The following KLHL32 variants were observed in gnomAD, a reference collection of about 807,000 sequenced individuals.
KLHL32 encodes kelch-like protein 32.
In KLHL32, 35 loss-of-function variants were observed where a neutral mutation model predicts 64.8. The observed-to-expected ratio is 0.54, with a 90% confidence interval of 0.41 to 0.72. The LOEUF is 0.72. Among genes scored for constraint, KLHL32 ranks in the 30% least tolerant of loss-of-function variants. KLHL32 has a pLI of 0.00. For missense variants in KLHL32, 589 were observed against 768.5 expected, an observed-to-expected ratio of 0.77 and a Z score of 2.76; for synonymous variants, 259 against 281.0, an observed-to-expected ratio of 0.92 and a Z score of 0.78.
At chr6:96,924,480 C>CG (rs1419620576), upstream of KLHL32, 2 of 6,476 alleles carry the variant, frequency 3.1e-4, no homozygotes, top group East Asian at 2.0e-3. Flanking sequence ...GGGGCGGGGG[C>CG]GGGGGGCGGC....
intron 5 of KLHL32, among the ~76,000 whole-genome samples, chr6:97,082,719 A>C (rs1346156065): frequency 6.6e-6 from 1 of 152,186 alleles, no homozygotes; most frequent in Non-Finnish European, 1.5e-5. Flanking sequence ...ATCTTCTTAT[A>C]GGCAGTTGGG....
chr6:97,030,319 T>G (rs1356139845), intron 3 of KLHL32, among the ~76,000 whole-genome samples: 1 of 152,252 alleles, frequency 6.6e-6, no homozygotes, highest in Non-Finnish European at 1.5e-5. Context: ...TGTGTCTGCA[T>G]GACAAGTAAC....
At chr6:96,985,922 G>C (rs1312138294) in intron 3 of KLHL32, among the ~76,000 whole-genome samples, 1 of 152,194 alleles carries the variant, frequency 6.6e-6, no homozygotes. Flanking sequence ...GTGAGGAGCT[G>C]TGTCCTTTGG....
chr6:97,081,778 T>G (rs1417572290), intron 5 of KLHL32, among the ~76,000 whole-genome samples: 1 of 152,212 alleles, frequency 6.6e-6, no homozygotes, highest in East Asian at 1.9e-4. Context: ...TTTATGGCCT[T>G]CTCTTCCAGT....
At chr6:97,101,065 C>T (rs1273479372) in intron 6 of KLHL32, among the ~76,000 whole-genome samples, 1 of 149,938 alleles carries the variant, frequency 6.7e-6, no homozygotes, top group Non-Finnish European at 1.5e-5. Flanking sequence ...ACCTCGGCCT[C>T]CCAAAGTGCT....
chr6:96,986,949 G>A (rs187468637), intron 3 of KLHL32, among the ~76,000 whole-genome samples: 1,692 of 152,254 alleles, frequency 0.011, 40 homozygotes, highest in African/African-American at 0.039. Flanking sequence ...GAAATCACCT[G>A]TCTTCTGCAT....
chr6:97,037,810 G>T (rs1179446054), intron 3 of KLHL32, among the ~76,000 whole-genome samples: 1 of 152,124 alleles, frequency 6.6e-6, no homozygotes, highest in Non-Finnish European at 1.5e-5. Context: ...CCTGGTACTG[G>T]CATAAAAACA....
rs746112818 is a variant in KLHL32, at chr6:97,064,637, G to A, written c.322G>A (p.Glu108Lys). The change falls in exon 5 of 11, where the codon GAG becomes AAG. Residue 108 changes from glutamate (E) to lysine (K), a missense_variant. Physicochemically the swap from Glu to Lys is moderately conservative, Grantham distance 56 (BLOSUM62 1). Coordinates refer to ENST00000369261, the MANE Select transcript of KLHL32 (RefSeq NM_052904.4). ...EFAYTGQILL[E>K]PGVIQDVLAA... ...TTAACAAACAAAACAGATTTTGCTG[G>A]AGCCAGGTGTGATCCAGGATGTGCT... The A allele has an allele frequency of 6.2e-7, 1 of 1,613,654 alleles. No individual in the cohort carries two copies. Among genetic ancestry groups the A allele is most frequent in the Non-Finnish European group, 8.5e-7 (1 of 1,179,828 alleles).
At chr6:97,046,723 A>G (rs1329289819) in intron 4 of KLHL32, among the ~76,000 whole-genome samples, 2 of 152,224 alleles carry the variant, frequency 1.3e-5, no homozygotes, top group Non-Finnish European at 2.9e-5. Context: ...ATTGTTGAAC[A>G]GCTGCTTTCT....
intron 3 of KLHL32, among the ~76,000 whole-genome samples, chr6:96,989,685 C>G (rs1047421839): frequency 6.6e-6 from 1 of 152,076 alleles, no homozygotes; most frequent in Non-Finnish European, 1.5e-5. Context: ...ATAATATCCT[C>G]AAATATGTTT....
intron 3 of KLHL32, among the ~76,000 whole-genome samples, chr6:96,987,118 T>G (rs566328830): frequency 8.1e-4 from 123 of 152,324 alleles, no homozygotes; most frequent in African/African-American, 2.9e-3. Flanking sequence ...TTATTAGTCT[T>G]GCTAGCGGTC....
At position 96,976,136 on chromosome 6, in the gene KLHL32, G is replaced by C. The variant is rs1298161579; in HGVS notation, c.163G>C (p.Ala55Pro). Residue 55 changes from alanine (A) to proline (P), a missense_variant, in exon 3 of 11, where the codon GCT becomes CCT. This residue lies in a region of KLHL32 where 191 missense variants were observed against 223.3 expected (regional missense o/e 0.86). Transcript: ENST00000369261. ...GATTGCTGAGGAACAGAAATTCCAT[G>C]CTCACAAGGCAGTCCTAGCAGCATG... ...TLIAEEQKFH[A>P]HKAVLAACSD... is the part of the protein sequence containing the mutation. The C allele has an allele frequency of 1.2e-6, 2 of 1,604,826 alleles. No homozygotes were observed. Among genetic ancestry groups the C allele is most frequent in the African/African-American group, 2.7e-5 (2 of 74,760 alleles).
intron 3 of KLHL32, among the ~76,000 whole-genome samples, chr6:97,035,277 G>C (rs1784122109): frequency 6.6e-6 from 1 of 152,018 alleles, no homozygotes; most frequent in South Asian, 2.1e-4. Context: ...TTGTGTTTTT[G>C]TAGTCAGAGT....
At chr6:97,085,023 C>A in intron 5 of KLHL32, 103 bp from the exon 6 acceptor site, 2 of 898,186 alleles carry the variant, frequency 2.2e-6, no homozygotes. Context: ...TTTCTCCCAC[C>A]ACTGTGATGA....
the KLHL32 span, among the ~76,000 whole-genome samples, chr6:96,917,990 A>G: frequency 6.6e-6 from 1 of 152,210 alleles, no homozygotes; most frequent in Non-Finnish European, 1.5e-5. Flanking sequence ...TTGACCCTCT[A>G]GATACCAATA....
chr6:96,974,437 G>A (rs761288735), intron 2 of KLHL32, among the ~76,000 whole-genome samples: 2 of 151,990 alleles, frequency 1.3e-5, no homozygotes. Flanking sequence ...TTCTGAATGT[G>A]GTTTTTAATT....
intron 1 of KLHL32, among the ~76,000 whole-genome samples, chr6:96,941,113 T>C (rs544741727): frequency 2.6e-5 from 4 of 152,320 alleles, no homozygotes; most frequent in African/African-American, 9.6e-5. Flanking sequence ...CTTTTGTAAA[T>C]AATTTTTCAA....
intron 4 of KLHL32, among the ~76,000 whole-genome samples, chr6:97,047,571 A>C (rs2128133084): frequency 6.6e-6 from 1 of 152,352 alleles, no homozygotes; most frequent in Middle Eastern, 3.4e-3. Context: ...AAGAGGGCCC[A>C]TCCTGTTACT....
At chr6:96,966,917 A>C (rs1774516595) in intron 1 of KLHL32, 79 bp from the exon 2 acceptor site, 10 of 656,074 alleles carry the variant, frequency 1.5e-5, no homozygotes, top group Non-Finnish European at 2.2e-5. Flanking sequence ...GAATTCAGAA[A>C]CTTTAGCATC....
Sources: gnomAD v4.1 joint callset for allele counts (sites outside exome capture counted in the v4.1 genomes callset) on GRCh38, gnomAD v4.1.1 for gene constraint, gnomAD v4.1.1 regional missense constraint, MANE v1.5 for transcripts, NCBI Gene and HGNC (gene_info 2026-07-23, HGNC 2026-07-21) for gene names.